XRN1: variants seen among roughly 807,000 people sequenced by gnomAD.
The protein encoded by XRN1 is 5'-3' exoribonuclease 1.
Under a neutral mutation model 222.3 loss-of-function variants are expected in XRN1, and 67 were observed. The observed-to-expected ratio is 0.30, with a 90% CI of 0.25 to 0.37. The LOEUF (loss-of-function observed/expected upper bound fraction) is 0.37. Among genes scored for constraint, XRN1 ranks in the 10% least tolerant of loss-of-function variants. XRN1 has a pLI of 1.00. For missense variants in XRN1, 1,707 were observed against 2,000.2 expected, an observed-to-expected ratio of 0.85 and a Z score of 2.80; for synonymous variants, 643 against 652.4, an observed-to-expected ratio of 0.99 and a Z score of 0.22.
chr3:142,363,476 C>T (rs2066716252), intron 29 of XRN1, among the ~76,000 whole-genome samples: 4 of 152,068 alleles, frequency 2.6e-5, no homozygotes, highest in Non-Finnish European at 2.9e-5. Flanking sequence ...GGGTCTATTT[C>T]GGGACTCTAA....
At chr3:142,319,610 C>T (rs1338365875) in intron 37 of XRN1, among the ~76,000 whole-genome samples, 1 of 151,952 alleles carries the variant, frequency 6.6e-6, no homozygotes, top group Non-Finnish European at 1.5e-5. Context: ...TTAGTGTACC[C>T]ATTGCCTGAT....
intron 5 of XRN1, among the ~76,000 whole-genome samples, chr3:142,424,865 CAA>C (rs10662291): frequency 1.3e-5 from 2 of 151,744 alleles, no homozygotes; most frequent in African/African-American, 4.8e-5. Flanking sequence ...AAGTTAATGC[CAA>C]AAAGTCTACT....
rs2069452877 is a variant in XRN1 at position 142,429,971 on chromosome 3, C to T, written c.308+2690G>A. 3.9e-5 allele frequency among the ~76,000 whole-genome samples: 6 copies of T among 152,284 alleles called. No homozygotes were observed. In the South Asian group the frequency reaches 1.0e-3, roughly 26 times the overall value. ...TGCAGATCTAGCAGGTGCACTGTAG[C>T]TCTGGAACAGATGCAGCTGTAGCTT... On this transcript the variant is annotated intron_variant, in intron 2 of 40. Transcript: ENST00000392981.
intron 39 of XRN1, among the ~76,000 whole-genome samples, chr3:142,316,373 T>C: frequency 6.6e-6 from 1 of 152,066 alleles, no homozygotes; most frequent in East Asian, 1.9e-4. Flanking sequence ...CATGCCACCA[T>C]GTCTGGCTAC....
intron 16 of XRN1, 28 bp downstream of exon 16, chr3:142,404,879 T>C: frequency 6.2e-7 from 1 of 1,612,564 alleles, no homozygotes; most frequent in African/African-American, 1.3e-5. Context: ...CGCTCTTTTG[T>C]TGTTGAAAAA....
intron 39 of XRN1, 44 bp from the exon 40 acceptor site, chr3:142,312,802 C>A (rs941185409): frequency 1.9e-6 from 3 of 1,550,302 alleles, no homozygotes; most frequent in Non-Finnish European, 2.6e-6. Flanking sequence ...AAAATGGTAT[C>A]ATCAAAGCTC....
intron 34 of XRN1, among the ~76,000 whole-genome samples, chr3:142,333,786 G>A (rs1017614538): frequency 6.6e-6 from 1 of 152,126 alleles, no homozygotes; most frequent in Non-Finnish European, 1.5e-5. Context: ...GTTAGAATAT[G>A]AGAAGACGCA....
chr3:142,402,084 G>A (rs1191561922), intron 18 of XRN1, among the ~76,000 whole-genome samples: 3 of 152,074 alleles, frequency 2.0e-5, no homozygotes, highest in African/African-American at 7.2e-5. Context: ...TCAAGGAAAT[G>A]AACCTCAAAG....
At chr3:142,444,347 C>T (rs900973085) in intron 1 of XRN1, among the ~76,000 whole-genome samples, 6 of 152,182 alleles carry the variant, frequency 3.9e-5, no homozygotes, top group African/African-American at 1.2e-4. Context: ...GTGGCTCATG[C>T]CTATAATCCA....
chr3:142,313,274 C>A, intron 39 of XRN1: 2 of 1,288,130 alleles, frequency 1.6e-6, no homozygotes, highest in South Asian at 2.6e-5. Flanking sequence ...AAGTCAAGGC[C>A]TTTTTTCACT....
intron 20 of XRN1, among the ~76,000 whole-genome samples, chr3:142,394,944 T>G (rs2067872968): frequency 6.6e-6 from 1 of 152,226 alleles, no homozygotes; most frequent in African/African-American, 2.4e-5. Flanking sequence ...ATTTCATGTA[T>G]ATGTTTATAG....
At chr3:142,323,294 G>GTT (rs75425647) in intron 37 of XRN1, among the ~76,000 whole-genome samples, 4 of 137,066 alleles carry the variant, frequency 2.9e-5, no homozygotes, top group East Asian at 2.1e-4. Context: ...TTTTTTTTTT[G>GTT]TTTTTTTTTT....
chr3:142,446,938 C>T (rs1440802010), intron 1 of XRN1, among the ~76,000 whole-genome samples: 2 of 152,184 alleles, frequency 1.3e-5, no homozygotes, highest in Non-Finnish European at 2.9e-5. Flanking sequence ...ATTTACAATA[C>T]TACCCATCAC....
chr3:142,371,352 G>A, intron 25 of XRN1, 24 bp from the exon 26 acceptor site: 5 of 1,541,504 alleles, frequency 3.2e-6, no homozygotes, highest in Non-Finnish European at 4.4e-6. Context: ...CAAAAATATT[G>A]TCTTAAAATA....
intron 37 of XRN1, 47 bp downstream of exon 37, chr3:142,329,387 G>A: frequency 1.2e-5 from 15 of 1,259,334 alleles, no homozygotes; most frequent in Non-Finnish European, 1.5e-5. Context: ...ATTTATTTAA[G>A]CTTAATGTTA....
At position 142,429,144 on chromosome 3, in the gene XRN1, CTTTTTTTTT is replaced by C. The variant is rs199947503; in HGVS notation, c.309-2312_309-2304del. On this transcript the variant is annotated intron_variant, in intron 2 of 40. Coordinates refer to ENST00000392981, the MANE Select transcript of XRN1 (RefSeq NM_001282857.2). ...AGTATTCTTTGGATTTAGCCATAAT[CTTTTTTTTT>C]TTTTTTTTTTTTGAGACAGAGTTTC... 1.1e-4 allele frequency among the ~76,000 whole-genome samples: 13 copies of C among 120,106 alleles called. No individual in the cohort carries two copies. In the Admixed American group the frequency reaches 1.1e-3, roughly 10 times the overall value. 78.8% of individuals were successfully genotyped at this position (120,106 alleles called of 152,430 possible).
rs764222147 is a variant in XRN1 at position 142,421,554 on chromosome 3, C to T, written c.968-11G>A. 4 of 1,584,776 alleles carry T rather than the reference C, an allele frequency of 2.5e-6. No individual in the cohort carries two copies. In the Admixed American group the frequency reaches 7.3e-5, roughly 29 times the overall value. On this transcript the variant is annotated splice_polypyrimidine_tract_variant and intron_variant, in intron 8 of 40. Coordinates refer to ENST00000392981, the MANE Select transcript of XRN1 (RefSeq NM_001282857.2). ...TTTCATTAATATAACCTAAAAGAAA[C>T]AAAAATTTAAATCTGTACTAAAAGC...
intron 1 of XRN1, among the ~76,000 whole-genome samples, chr3:142,434,292 A>G (rs1288051113): frequency 6.6e-6 from 1 of 152,080 alleles, no homozygotes; most frequent in Non-Finnish European, 1.5e-5. Context: ...GACCACTGAC[A>G]CATGACAACA....
chr3:142,383,443 T>A (rs889265569), intron 21 of XRN1, 30 bp from the exon 22 acceptor site: 1 of 1,562,018 alleles, frequency 6.4e-7, no homozygotes. Context: ...ATAATCTTAG[T>A]CATAATTTCT....
Sources: gnomAD v4.1 joint callset for allele counts (sites outside exome capture counted in the v4.1 genomes callset) on GRCh38, gnomAD v4.1.1 for gene constraint, MANE v1.5 for transcripts, NCBI Gene and HGNC (gene_info 2026-07-23, HGNC 2026-07-21) for gene names.